Variants in SCML4 observed in about 807,000 individuals in gnomAD.
The protein encoded by SCML4 is Scm polycomb group protein like 4, also known as sex comb on midleg-like protein 4.
SCML4 carries 34 observed loss-of-function variants against 41.1 expected under a neutral mutation model. That is an observed-to-expected ratio of 0.83 (90% CI 0.63 to 1.10). The LOEUF (loss-of-function observed/expected upper bound fraction) is 1.10. Ranked by LOEUF, SCML4 falls within the 50% of genes least tolerant of loss-of-function variation. SCML4 has a pLI of 0.00. For synonymous variants in SCML4, 214 were observed against 220.9 expected, an observed-to-expected ratio of 0.97 and a Z score of 0.28; for missense variants, 522 against 534.1, an observed-to-expected ratio of 0.98 and a Z score of 0.22.
At chr6:107,754,263 G>A (rs1256761741) in intron 2 of SCML4, among the ~76,000 whole-genome samples, 1 of 152,154 alleles carries the variant, frequency 6.6e-6, no homozygotes, top group Non-Finnish European at 1.5e-5. Flanking sequence ...AAAATTAAAG[G>A]ACATATCCTG....
At chr6:107,778,140 G>A (rs1393149599) in intron 1 of SCML4, among the ~76,000 whole-genome samples, 2 of 141,070 alleles carry the variant, frequency 1.4e-5, no homozygotes, top group African/African-American at 2.8e-5. Flanking sequence ...ACTTGAATCC[G>A]GGAGATCACG....
chr6:107,714,008 T>G (rs1021985484), intron 6 of SCML4, among the ~76,000 whole-genome samples: 2 of 152,252 alleles, frequency 1.3e-5, no homozygotes, highest in Non-Finnish European at 2.9e-5. Context: ...GCCTCCCAGG[T>G]TCAAGTGATT....
chr6:107,752,774 C>T (rs980848767), intron 2 of SCML4, among the ~76,000 whole-genome samples: 1 of 152,152 alleles, frequency 6.6e-6, no homozygotes, highest in Middle Eastern at 3.4e-3. Context: ...CCTCGTGGAA[C>T]TGACATTCTA....
At position 107,721,009 on chromosome 6, in the gene SCML4, G is replaced by A. The variant is rs846977; in HGVS notation, c.683-16C>T. ...ACTGTCTTGACTAAGCAATAAGGCAGTACAGAGAAGCAGATATCAGAGAGC... is the reference window on the plus strand; with the variant it reads ...ACTGTCTTGACTAAGCAATAAGGCAATACAGAGAAGCAGATATCAGAGAGC... On this transcript the variant is annotated splice_polypyrimidine_tract_variant and intron_variant, in intron 5 of 7. Transcript: ENST00000369020. The A allele has an allele frequency of 0.91, 1,449,377 of 1,586,262 alleles. 662,366 individuals are homozygous for A. Among genetic ancestry groups the A allele is most frequent in the Admixed American group, 0.94 (52,756 of 55,856 alleles).
chr6:107,812,583 G>A (rs9386671), intron 1 of SCML4, among the ~76,000 whole-genome samples: 1 of 152,040 alleles, frequency 6.6e-6, no homozygotes, highest in African/African-American at 2.4e-5. Flanking sequence ...ACCCACACGT[G>A]GGGGGACTTC....
the SCML4 span, among the ~76,000 whole-genome samples, chr6:107,837,416 C>G: frequency 1.3e-5 from 2 of 152,194 alleles, no homozygotes; most frequent in Non-Finnish European, 2.9e-5. Flanking sequence ...TCCCTGACCC[C>G]AGATGCATGA....
In SCML4 at chr6:107,746,893, C is replaced by T. The variant is rs1778160731; in HGVS notation, c.287-4G>A. 5.0e-6 allele frequency: 8 copies of T among 1,608,616 alleles called. No homozygotes were observed. Among genetic ancestry groups the T allele is most frequent in the Non-Finnish European group, 5.9e-6 (7 of 1,176,602 alleles). ...TGCTTGTTGATGTAGAGGCAGACTG[C>T]GGAGACAGAGGTCACAAAGCCCTCG... On this transcript the variant is annotated splice_region_variant and splice_polypyrimidine_tract_variant and intron_variant, in intron 3 of 7. Transcript: ENST00000369020.
At chr6:107,819,141 C>G (rs1045185797) in intron 1 of SCML4, among the ~76,000 whole-genome samples, 6 of 108,148 alleles carry the variant, frequency 5.5e-5, no homozygotes, top group African/African-American at 1.8e-4. Flanking sequence ...GTCTAGTGCT[C>G]GGTTGGAAGG....
rs372377654 is a variant in SCML4 at position 107,746,749 on chromosome 6, G to A, written c.427C>T (p.His143Tyr). The A allele has an allele frequency of 8.7e-6, 14 of 1,614,062 alleles. No homozygotes were observed. Among genetic ancestry groups the A allele is most frequent in the African/African-American group, 6.7e-5 (5 of 74,934 alleles). Residue 143 changes from histidine (H) to tyrosine (Y), a missense_variant, in exon 4 of 8, where the codon CAC (histidine) becomes TAC (tyrosine). His to Tyr is a moderately conservative substitution (Grantham distance 83, BLOSUM62 2). Transcript: ENST00000369020. The part of the protein sequence containing the change: ...QAVQACIDCA[H>Y]QQKLVFSLVK... ...AGGGAGAAGACCAGCTTCTGCTGGTGGGCGCAGTCGATGCAGGCTTGGACG... is the reference window on the plus strand; with the variant it reads ...AGGGAGAAGACCAGCTTCTGCTGGTAGGCGCAGTCGATGCAGGCTTGGACG...
the SCML4 span, among the ~76,000 whole-genome samples, chr6:107,830,839 T>C: frequency 6.6e-6 from 1 of 152,200 alleles, no homozygotes; most frequent in South Asian, 2.1e-4. Context: ...CTGCTTTGAG[T>C]TGTATTTCTT....
chr6:107,773,478 G>A (rs1210949875), intron 1 of SCML4, among the ~76,000 whole-genome samples: 1 of 151,546 alleles, frequency 6.6e-6, no homozygotes, highest in African/African-American at 2.4e-5. Context: ...TGTAATCCCA[G>A]CTACTCGGGA....
rs541827981 is a variant in SCML4 at position 107,704,499 on chromosome 6, G to T, written c.*701C>A. 1 of 152,286 alleles carries T rather than the reference G, an allele frequency of 6.6e-6. No homozygotes were observed. Among genetic ancestry groups the T allele is most frequent in the Non-Finnish European group, 1.5e-5 (1 of 68,140 alleles). The allele number at this position is 152,286 out of a possible 1,614,324, so 9.4% of individuals were successfully genotyped here. A position where few individuals can be genotyped will look rare whatever the true frequency, so the allele number is the denominator to read the frequency against. On this transcript the variant is annotated 3_prime_UTR_variant, in exon 8 of 8. Coordinates refer to ENST00000369020, the MANE Select transcript of SCML4 (RefSeq NM_198081.5). ...GAATAAATCCCCTGTTTCTGTGTGG[G>T]CTAGATCTTGTTCACAGACACCCTA...
At chr6:107,770,898 GC>G (rs1415943288) in intron 2 of SCML4, among the ~76,000 whole-genome samples, 1 of 152,186 alleles carries the variant, frequency 6.6e-6, no homozygotes, top group Non-Finnish European at 1.5e-5. Flanking sequence ...CAGAAAGGCT[GC>G]CCTGCTCCAG....
chr6:107,827,154 A>G (rs1397531268), upstream of SCML4, among the ~76,000 whole-genome samples: 6 of 148,098 alleles, frequency 4.1e-5, no homozygotes, highest in Non-Finnish European at 8.9e-5. Context: ...TTGATATTTA[A>G]TAAATTATTC....
intron 1 of SCML4, among the ~76,000 whole-genome samples, chr6:107,784,214 C>T (rs1001868468): frequency 2.0e-5 from 3 of 152,166 alleles, no homozygotes; most frequent in Non-Finnish European, 4.4e-5. Context: ...AAATTCCTAT[C>T]TTTCCTATTA....
intron 5 of SCML4, among the ~76,000 whole-genome samples, chr6:107,735,588 G>A (rs78572573): frequency 0.045 from 6,849 of 151,804 alleles, 293 homozygotes; most frequent in East Asian, 0.12. Context: ...TACTTGAGCT[G>A]AGGAGTTCGA....
chr6:107,728,528 G>A (rs1227881267), intron 5 of SCML4, among the ~76,000 whole-genome samples: 1 of 152,158 alleles, frequency 6.6e-6, no homozygotes, highest in African/African-American at 2.4e-5. Flanking sequence ...AGAATTGCTT[G>A]AACCCAGGAG....
At chr6:107,825,936 C>A (rs1295086762), upstream of SCML4, among the ~76,000 whole-genome samples, 577 of 62,278 alleles carry the variant, frequency 9.3e-3, no homozygotes, top group Middle Eastern at 0.019. Context: ...GACTCCATCT[C>A]AAAAAAAAAA....
chr6:107,838,434 G>A, the SCML4 span, among the ~76,000 whole-genome samples: 9 of 152,272 alleles, frequency 5.9e-5, no homozygotes, highest in South Asian at 2.1e-4. Context: ...AACTTGAGCC[G>A]CATTGACAGG....
Sources: allele counts gnomAD v4.1 joint callset (sites outside exome capture counted in the v4.1 genomes callset), GRCh38; gene constraint gnomAD v4.1.1; transcripts MANE v1.5; gene names NCBI Gene and HGNC (gene_info 2026-07-23, HGNC 2026-07-21).